The following MMP16 variants were observed in gnomAD, a reference collection of about 807,000 sequenced individuals.
MMP16 encodes the protein matrix metallopeptidase 16, also known as matrix metalloproteinase-16.
MMP16 carries 12 observed loss-of-function variants against 67.8 expected under a neutral mutation model. That is an observed-to-expected ratio of 0.18 (90% CI 0.11 to 0.29). The LOEUF is 0.29. MMP16 is among the 10% of genes least tolerant of loss of function. The pLI is 1.00. For synonymous variants in MMP16, 249 were observed against 255.9 expected, an observed-to-expected ratio of 0.97 and a Z score of 0.26; for missense variants, 475 against 765.7, an observed-to-expected ratio of 0.62 and a Z score of 4.48.
At chr8:88,131,326 C>T (rs146039776) in intron 4 of MMP16, among the ~76,000 whole-genome samples, 15 of 150,958 alleles carry the variant, frequency 9.9e-5, no homozygotes, top group East Asian at 9.8e-4. Context: ...CCTAAACTAA[C>T]GTAAAAGATA....
Position 88,118,868 on chromosome 8 carries a change from G to A in MMP16, c.710-7C>T. 2 of 1,610,394 alleles carry A rather than the reference G, an allele frequency of 1.2e-6. No individual in the cohort carries two copies. The highest frequency in any genetic ancestry group is 3.4e-5 in the Admixed American group (2 of 59,320). On this transcript the variant is annotated splice_region_variant and splice_polypyrimidine_tract_variant and intron_variant, in intron 4 of 9. Coordinates refer to ENST00000286614, the MANE Select transcript of MMP16 (RefSeq NM_005941.5). ...ACAAGAAATAAGTCATTTCCTGTGTGAACAAGAAGAAAATAAGTTTTTGTA... is the reference window on the plus strand; with the variant it reads ...ACAAGAAATAAGTCATTTCCTGTGTAAACAAGAAGAAAATAAGTTTTTGTA...
At position 88,251,423 on chromosome 8, in the gene MMP16, G is replaced by A. The variant is rs544064859; in HGVS notation, c.133-54117C>T. 1.7e-3 allele frequency among the ~76,000 whole-genome samples: 253 copies of A among 146,880 alleles called. 4 individuals are homozygous for A. Among genetic ancestry groups the A allele is most frequent in the African/African-American group, 6.3e-3 (238 of 37,748 alleles). Reference sequence around the variant, plus strand: ...TTCCCTATTTAATAAATGGTGCTGCGAAAACTGGCTAGCCATATGTAGAAA... The same window carrying A: ...TTCCCTATTTAATAAATGGTGCTGCAAAAACTGGCTAGCCATATGTAGAAA... On this transcript the variant is annotated intron_variant, in intron 1 of 9. Transcript: ENST00000286614.
At chr8:88,151,815 A>C (rs1466382496) in intron 4 of MMP16, among the ~76,000 whole-genome samples, 1 of 142,570 alleles carries the variant, frequency 7.0e-6, no homozygotes, top group African/African-American at 2.6e-5. Context: ...TAGAAAAGCA[A>C]GAGCAAACAC....
chr8:88,271,810 C>A (rs1418424874), intron 1 of MMP16, among the ~76,000 whole-genome samples: 1 of 152,168 alleles, frequency 6.6e-6, no homozygotes, highest in Non-Finnish European at 1.5e-5. Flanking sequence ...CCAAAATGGG[C>A]AGCCACAAAA....
intron 1 of MMP16, among the ~76,000 whole-genome samples, chr8:88,292,949 C>G (rs1810949783): frequency 6.6e-6 from 1 of 152,036 alleles, no homozygotes; most frequent in African/African-American, 2.4e-5. Flanking sequence ...GAAGAAAGAA[C>G]TTCTGAAAAA....
At chr8:88,245,407 G>C (rs1441698702) in intron 1 of MMP16, among the ~76,000 whole-genome samples, 2 of 152,164 alleles carry the variant, frequency 1.3e-5, no homozygotes. Flanking sequence ...TGACAGGCAT[G>C]GAAATCAACA....
intron 1 of MMP16, among the ~76,000 whole-genome samples, chr8:88,239,563 A>T (rs1810002286): frequency 6.6e-6 from 1 of 151,996 alleles, no homozygotes; most frequent in African/African-American, 2.4e-5. Context: ...GAAAAGAGAA[A>T]ATGGGTAGAG....
At chr8:88,293,177 G>A (rs28986487) in intron 1 of MMP16, among the ~76,000 whole-genome samples, 188 of 152,250 alleles carry the variant, frequency 1.2e-3, no homozygotes, top group African/African-American at 4.5e-3. Context: ...AAAAGAGAAT[G>A]AGTTGAAACT....
At position 88,100,202 on chromosome 8, in the gene MMP16, T is replaced by C. The variant is rs1307252127; in HGVS notation, c.1083+16305A>G. Among the ~76,000 whole-genome samples, 4 of 151,928 alleles carry C rather than the reference T, an allele frequency of 2.6e-5. No homozygotes were observed. In the East Asian group the frequency reaches 5.8e-4, roughly 22 times the overall value. On this transcript the variant is annotated intron_variant, in intron 6 of 9. Transcript: ENST00000286614. Reference sequence around the variant, plus strand: ...GAATGGTATTGCCTAGGTTTTCTTCTAGGGTTTATATAGCTTTAGGTCTAA... The same window carrying C: ...GAATGGTATTGCCTAGGTTTTCTTCCAGGGTTTATATAGCTTTAGGTCTAA...
At chr8:88,227,877 A>G (rs572939347) in intron 1 of MMP16, among the ~76,000 whole-genome samples, 1 of 152,090 alleles carries the variant, frequency 6.6e-6, no homozygotes, top group East Asian at 1.9e-4. Context: ...CAGGAACTTA[A>G]AAAACAATAG....
chr8:88,144,335 G>GA (rs1243615350), intron 4 of MMP16, among the ~76,000 whole-genome samples: 2 of 151,606 alleles, frequency 1.3e-5, no homozygotes, highest in Non-Finnish European at 3.0e-5. Flanking sequence ...CATACAAAAA[G>GA]AAAGTTCTAA....
intron 6 of MMP16, among the ~76,000 whole-genome samples, chr8:88,111,275 G>A (rs1809331991): frequency 6.6e-6 from 1 of 151,674 alleles, no homozygotes; most frequent in Non-Finnish European, 1.5e-5. Context: ...TAACGTTTTT[G>A]AAATTCTACA....
chr8:88,138,108 G>A (rs1808152557), intron 4 of MMP16, among the ~76,000 whole-genome samples: 1 of 151,568 alleles, frequency 6.6e-6, no homozygotes, highest in Non-Finnish European at 1.5e-5. Flanking sequence ...TTTTTTCCTA[G>A]GTCTAGTTTC....
intron 6 of MMP16, among the ~76,000 whole-genome samples, chr8:88,076,362 C>G (rs551321980): frequency 6.6e-6 from 1 of 152,074 alleles, no homozygotes; most frequent in East Asian, 1.9e-4. Flanking sequence ...TATATTGAAA[C>G]GAGTTATCTA....
rs1029977880 is a variant in MMP16 at position 88,283,898 on chromosome 8, C to G, written c.132+43177G>C. 1.3e-5 allele frequency among the ~76,000 whole-genome samples: 2 copies of G among 152,162 alleles called. 1 individual carries two copies. The highest frequency in any genetic ancestry group is 4.8e-5 in the African/African-American group (2 of 41,432). ...CATTACCCACATGGCCTGACCAATG[C>G]CAACAAGGTGAACCATAATATTTTG... On this transcript the variant is annotated intron_variant, in intron 1 of 9. Coordinates refer to ENST00000286614, the MANE Select transcript of MMP16 (RefSeq NM_005941.5).
chr8:88,169,153 T>G (rs548863374), intron 3 of MMP16, among the ~76,000 whole-genome samples: 50 of 152,342 alleles, frequency 3.3e-4, no homozygotes, highest in African/African-American at 1.2e-3. Flanking sequence ...TGCATGTCAT[T>G]GTATAAATAG....
Position 88,079,333 on chromosome 8 carries a change from A to G in MMP16, c.1084-4590T>C, listed in dbSNP as rs566393112. Among the ~76,000 whole-genome samples the G allele has an allele frequency of 7.9e-5, 12 of 152,286 alleles. 2 individuals carry two copies. The South Asian group carries it at 2.5e-3, about 32-fold the overall frequency. Reference sequence around the variant, plus strand: ...AGACCATATACGCAAAACTTTTATCACAGTATATTGTTGTAATTGTTCTAT... The same window carrying G: ...AGACCATATACGCAAAACTTTTATCGCAGTATATTGTTGTAATTGTTCTAT... On this transcript the variant is annotated intron_variant, in intron 6 of 9. Coordinates refer to ENST00000286614, the MANE Select transcript of MMP16 (RefSeq NM_005941.5).
chr8:88,311,796 G>T (rs567270418), intron 1 of MMP16, among the ~76,000 whole-genome samples: 29 of 152,218 alleles, frequency 1.9e-4, no homozygotes, highest in African/African-American at 7.0e-4. Context: ...GAGCTACAGG[G>T]CTAGAGAAAG....
Position 88,056,192 on chromosome 8 carries a change from G to A in MMP16, c.1309C>T (p.His437Tyr), listed in dbSNP as rs1808330093. The change falls in exon 8 of 10, where the codon CAT (histidine) becomes TAT (tyrosine). Residue 437 changes from histidine to tyrosine, a missense_variant. His to Tyr is a moderately conservative substitution (Grantham distance 83). This residue lies in a region of MMP16 where 195 missense variants were observed against 300.9 expected (regional missense o/e 0.65). Coordinates refer to ENST00000286614, the MANE Select transcript of MMP16 (RefSeq NM_005941.5). ...CACCAAATGGCTGAATCAATACCAT[G>A]AGGGGGAATTCCACTTCCAAGGGTT... Reference protein sequence around the residue: ...LITLGSGIPPHGIDSAIWWED... With the variant: ...LITLGSGIPPYGIDSAIWWED... 1.3e-6 allele frequency: 2 copies of A among 1,599,530 alleles called. No homozygotes were observed. Among genetic ancestry groups the A allele is most frequent in the South Asian group, 2.2e-5 (2 of 89,046 alleles).
Sources: gnomAD v4.1 joint callset for allele counts (sites outside exome capture counted in the v4.1 genomes callset) on GRCh38, gnomAD v4.1.1 for gene constraint, gnomAD v4.1.1 regional missense constraint, MANE v1.5 for transcripts, NCBI Gene and HGNC (gene_info 2026-07-23, HGNC 2026-07-21) for gene names.